WWOX: variants seen among roughly 807,000 people sequenced by gnomAD.
WWOX encodes WW domain-containing oxidoreductase.
A neutral mutation model predicts 46.2 loss-of-function variants in WWOX; 69 were observed. The ratio of observed to expected loss-of-function variants is 1.49; its 90% CI spans 1.23 to 1.82. The LOEUF is 1.82. Among genes scored for constraint, WWOX ranks in the 40% most tolerant of loss-of-function variants. WWOX has a pLI of 0.00. For synonymous variants in WWOX, 359 were observed against 202.6 expected (o/e 1.77, Z -6.56); for missense variants, 919 against 542.6 (o/e 1.69, Z -6.89).
At chr16:78,534,326 A>C (rs2043703353) in intron 8 of WWOX, 1 of 152,194 alleles carries the variant, frequency 6.6e-6, no homozygotes, top group Non-Finnish European at 1.5e-5. Flanking sequence ...CTGCTCAAGA[A>C]ATATTAGGCA....
At chr16:78,933,727 C>G (rs1014229745) in intron 8 of WWOX, among the ~76,000 whole-genome samples, 3 of 151,920 alleles carry the variant, frequency 2.0e-5, no homozygotes, top group Admixed American at 6.6e-5. Context: ...TTTTTTAAAA[C>G]TATCTGATCT....
chr16:78,580,478 C>G (rs1202684377), intron 8 of WWOX, among the ~76,000 whole-genome samples: 3 of 152,184 alleles, frequency 2.0e-5, no homozygotes, highest in Non-Finnish European at 2.9e-5. Flanking sequence ...TCATCAAAAA[C>G]AAGGACTCCT....
chr16:78,516,403 A>G (rs1002621597), intron 8 of WWOX, among the ~76,000 whole-genome samples: 2 of 152,172 alleles, frequency 1.3e-5, no homozygotes, highest in South Asian at 2.1e-4. Context: ...GTAATATTCC[A>G]TACTACAGAT....
intron 8 of WWOX, among the ~76,000 whole-genome samples, chr16:78,635,272 T>C (rs1161886874): frequency 1.3e-5 from 2 of 152,196 alleles, no homozygotes; most frequent in Non-Finnish European, 2.9e-5. Flanking sequence ...ATTTTGCCTG[T>C]TGGACAGATG....
At chr16:78,951,522 A>G (rs1341096983) in intron 8 of WWOX, among the ~76,000 whole-genome samples, 7 of 152,116 alleles carry the variant, frequency 4.6e-5, no homozygotes, top group Non-Finnish European at 1.0e-4. Context: ...ACAGTAAAGA[A>G]GTCATGTTAT....
intron 8 of WWOX, among the ~76,000 whole-genome samples, chr16:78,585,370 G>A (rs2045170905): frequency 6.6e-6 from 1 of 152,168 alleles, no homozygotes; most frequent in Admixed American, 6.5e-5. Flanking sequence ...AAATTCGTTA[G>A]CATTCTTTAT....
chr16:78,288,151 G>A (rs1015576285), intron 5 of WWOX, among the ~76,000 whole-genome samples: 3 of 151,812 alleles, frequency 2.0e-5, no homozygotes, highest in Non-Finnish European at 4.4e-5. Flanking sequence ...TTATAGACTA[G>A]GTTTTTAAAT....
intron 8 of WWOX, among the ~76,000 whole-genome samples, chr16:78,627,773 A>G (rs1331159331): frequency 6.6e-6 from 1 of 152,246 alleles, no homozygotes; most frequent in African/African-American, 2.4e-5. Flanking sequence ...TTGACTAGAC[A>G]AAAGGTGCAG....
At chr16:78,923,377 AT>A (rs2045424230) in intron 8 of WWOX, among the ~76,000 whole-genome samples, 1 of 152,144 alleles carries the variant, frequency 6.6e-6, no homozygotes, top group African/African-American at 2.4e-5. Flanking sequence ...AGTTCAGATC[AT>A]TCTAAAAATA....
chr16:78,539,459 C>G (rs761692885), intron 8 of WWOX, among the ~76,000 whole-genome samples: 22 of 152,322 alleles, frequency 1.4e-4, no homozygotes, highest in Admixed American at 3.3e-4. Context: ...GTGCATTTCT[C>G]TTCCAGTAAG....
intron 8 of WWOX, among the ~76,000 whole-genome samples, chr16:79,012,452 C>T (rs942504015): frequency 1.4e-4 from 22 of 152,094 alleles, no homozygotes; most frequent in African/African-American, 4.8e-4. Context: ...AGGCTGGTCT[C>T]GAACTCCTGA....
At chr16:78,612,930 T>A (rs976383578) in intron 8 of WWOX, among the ~76,000 whole-genome samples, 1 of 152,218 alleles carries the variant, frequency 6.6e-6, no homozygotes, top group African/African-American at 2.4e-5. Context: ...TGTGTCTCAT[T>A]TTTTTCCAGA....
intron 5 of WWOX, among the ~76,000 whole-genome samples, chr16:78,324,302 C>T (rs1402323870): frequency 6.6e-6 from 1 of 152,072 alleles, no homozygotes; most frequent in Non-Finnish European, 1.5e-5. Context: ...GCAGGTGTTG[C>T]TGGGAATGTG....
At chr16:78,765,576 G>T (rs1180048841) in intron 8 of WWOX, among the ~76,000 whole-genome samples, 1 of 152,136 alleles carries the variant, frequency 6.6e-6, no homozygotes, top group African/African-American at 2.4e-5. Context: ...CTACTCGGGA[G>T]GCTGAGGTGG....
chr16:78,402,143 A>G (rs1236711966), intron 6 of WWOX, among the ~76,000 whole-genome samples: 1 of 152,166 alleles, frequency 6.6e-6, no homozygotes, highest in Non-Finnish European at 1.5e-5. Context: ...TTCCATCGCT[A>G]CTTCCTCCAG....
At chr16:79,100,428 G>A (rs1382865379) in intron 8 of WWOX, among the ~76,000 whole-genome samples, 1 of 152,132 alleles carries the variant, frequency 6.6e-6, no homozygotes, top group Non-Finnish European at 1.5e-5. Flanking sequence ...GTATCTTTAA[G>A]TGGCCTTTAT....
chr16:78,844,658 C>T (rs1032454130), intron 8 of WWOX, among the ~76,000 whole-genome samples: 2 of 152,162 alleles, frequency 1.3e-5, no homozygotes, highest in African/African-American at 4.8e-5. Flanking sequence ...CAATTAATAT[C>T]CTCAAATTAA....
At chr16:78,753,823 AAAATATATAT>A (rs2049556015) in intron 8 of WWOX, among the ~76,000 whole-genome samples, 1 of 42,574 alleles carries the variant, frequency 2.3e-5, no homozygotes, top group African/African-American at 7.0e-5. Context: ...AAAAAAAAAA[AAAATATATAT>A]ATATATATAT....
At chr16:78,834,776 C>CA (rs770728854) in intron 8 of WWOX, among the ~76,000 whole-genome samples, 8 of 152,086 alleles carry the variant, frequency 5.3e-5, no homozygotes, top group Non-Finnish European at 1.2e-4. Flanking sequence ...TTGCGTATGT[C>CA]AAATCATTAC....
Sources: allele counts gnomAD v4.1 joint callset (sites outside exome capture counted in the v4.1 genomes callset), GRCh38; gene constraint gnomAD v4.1.1; transcripts MANE v1.5; gene names NCBI Gene and HGNC (gene_info 2026-07-23, HGNC 2026-07-21).